Variants in COL27A1 observed in about 807,000 individuals in gnomAD.
COL27A1 encodes the protein collagen alpha-1(XXVII) chain.
Under a neutral mutation model 251.3 loss-of-function variants are expected in COL27A1, and 106 were observed. The ratio of observed to expected loss-of-function variants is 0.42; its 90% CI spans 0.36 to 0.50. The LOEUF is 0.50. COL27A1 is among the 20% of genes least tolerant of loss of function. The probability of loss-of-function intolerance (pLI) is 0.00; values close to 1 mark genes in which losing one functional copy is unlikely to be tolerated. For missense variants in COL27A1, 2,325 were observed against 2,522.8 expected (o/e 0.92, Z 1.68); for synonymous variants, 1,000 against 986.3 (o/e 1.01, Z -0.26).
chr9:114,171,307 CA>C (rs1440016058), intron 3 of COL27A1, among the ~76,000 whole-genome samples: 1 of 152,146 alleles, frequency 6.6e-6, no homozygotes, highest in African/African-American at 2.4e-5. Context: ...TTGAAGTTTA[CA>C]TTCCAGACTG....
chr9:114,206,322 A>G (rs1188760626), intron 10 of COL27A1, 26 bp downstream of exon 10: 4 of 1,613,006 alleles, frequency 2.5e-6, no homozygotes, highest in Middle Eastern at 1.6e-4. Flanking sequence ...CCAGTGCCAC[A>G]TGGGTGGGGT....
chr9:114,309,397 C>T lies in COL27A1; in HGVS notation c.5355C>T (p.Ala1785=), dbSNP rs377141342. Residue 1785 remains alanine (A), a synonymous_variant, in exon 60 of 61, where the codon GCC becomes GCT. Transcript: ENST00000356083. The part of the protein sequence containing the change: ...EGTGQTPAKQ[A]VRFRAWNGQI... ...CTGGGCAGACCCCAGCCAAGCAGGC[C>T]GTACGCTTCCGGGCCTGGAATGGAC... 5.0e-6 allele frequency: 8 copies of T among 1,613,978 alleles called. No homozygotes were observed. Among genetic ancestry groups the T allele is most frequent in the East Asian group, 4.5e-5 (2 of 44,886 alleles).
intron 5 of COL27A1, 31 bp from the exon 6 acceptor site, chr9:114,194,373 G>A (rs748270007): frequency 2.5e-6 from 4 of 1,611,222 alleles, no homozygotes; most frequent in Admixed American, 3.3e-5. Context: ...TAGATGACTT[G>A]GTGGCCAAAG....
chr9:114,269,667 T>C (rs1726567510), intron 35 of COL27A1, among the ~76,000 whole-genome samples: 1 of 144,622 alleles, frequency 6.9e-6, no homozygotes. Context: ...TTCAGTCGAG[T>C]CTCGGCAGTA....
chr9:114,167,625 TA>T, intron 2 of COL27A1, 63 bp from the exon 3 acceptor site: 3 of 1,397,834 alleles, frequency 2.1e-6, no homozygotes, highest in East Asian at 2.3e-5. Flanking sequence ...CCTTAGGGGG[TA>T]GGGGGTGGGG....
At chr9:114,225,476 G>T (rs1452336622) in intron 14 of COL27A1, among the ~76,000 whole-genome samples, 5 of 152,194 alleles carry the variant, frequency 3.3e-5, no homozygotes, top group African/African-American at 1.2e-4. Context: ...GGATCACAGG[G>T]CTGGGCCTGA....
chr9:114,280,193 GGT>G (rs1325863102), intron 37 of COL27A1, among the ~76,000 whole-genome samples: 1 of 151,350 alleles, frequency 6.6e-6, no homozygotes, highest in African/African-American at 2.4e-5. Context: ...AACCTAATTG[GGT>G]GTGTCAACTT....
intron 37 of COL27A1, among the ~76,000 whole-genome samples, chr9:114,280,191 T>A (rs1406187128): frequency 6.6e-6 from 1 of 151,708 alleles, no homozygotes. Flanking sequence ...GCAACCTAAT[T>A]GGGTGTGTCA....
chr9:114,168,575 T>A lies in COL27A1; in HGVS notation c.1020T>A (p.Ser340=). The change falls in exon 3 of 61, where the codon TCT becomes TCA. Residue 340 remains serine (S), a synonymous_variant. Transcript: ENST00000356083. ...SNALDPMLPA[S]VGGSTRTPRP... is the part of the protein sequence containing the mutation. ...CACTTGATCCCATGCTCCCAGCCTCTGTTGGCGGCTCTACCAGAACGCCTC... is the reference window on the plus strand; with the variant it reads ...CACTTGATCCCATGCTCCCAGCCTCAGTTGGCGGCTCTACCAGAACGCCTC... 6.2e-7 allele frequency: 1 copy of A among 1,614,110 alleles called. No homozygotes were observed. Among genetic ancestry groups the A allele is most frequent in the South Asian group, 1.1e-5 (1 of 91,078 alleles).
chr9:114,287,532 C>T (rs1687413), intron 41 of COL27A1, among the ~76,000 whole-genome samples: 1 of 152,152 alleles, frequency 6.6e-6, no homozygotes, highest in Non-Finnish European at 1.5e-5. Flanking sequence ...CTGGCCATGT[C>T]TATATGACAC....
intron 24 of COL27A1, 82 bp downstream of exon 24, chr9:114,245,992 C>A: frequency 8.5e-7 from 1 of 1,179,466 alleles, no homozygotes; most frequent in Non-Finnish European, 1.2e-6. Flanking sequence ...CAGCACCCTC[C>A]ATGCACCACC....
At chr9:114,174,230 C>T (rs564037885) in intron 3 of COL27A1, among the ~76,000 whole-genome samples, 24 of 152,210 alleles carry the variant, frequency 1.6e-4, no homozygotes, top group African/African-American at 5.8e-4. Flanking sequence ...GGCCCAGACT[C>T]ACTGGGGAGA....
At chr9:114,163,403 T>TAA (rs778377725) in intron 2 of COL27A1, among the ~76,000 whole-genome samples, 2,356 of 140,704 alleles carry the variant, frequency 0.017, 67 homozygotes, top group African/African-American at 0.057. Context: ...TAAGAACTGC[T>TAA]AAAAAAAAAA....
intron 30 of COL27A1, 45 bp from the exon 31 acceptor site, chr9:114,265,021 T>C: frequency 6.2e-7 from 1 of 1,612,532 alleles, no homozygotes; most frequent in East Asian, 2.2e-5. Flanking sequence ...CCCTGCTCCG[T>C]GCTTTGTGAT....
At position 114,265,475 on chromosome 9, in the gene COL27A1, G is replaced by C. The variant is rs140849642; in HGVS notation, c.3393G>C (p.Pro1131=). 6.2e-7 allele frequency: 1 copy of C among 1,613,774 alleles called. No homozygotes were observed. Among genetic ancestry groups the C allele is most frequent in the South Asian group, 1.1e-5 (1 of 91,066 alleles). ...GCACCAAGGGCCTCCCAGGAGAACC[G>C]GTAAGAGCCCTTTCCTTCCCTCTTC... ...PPGTKGLPGE[P]GPQGPQGPIG... is the part of the protein sequence containing the mutation. The change falls in exon 32 of 61, where the codon CCG becomes CCC. Residue 1131 remains proline, a splice_region_variant and synonymous_variant. Coordinates refer to ENST00000356083, the MANE Select transcript of COL27A1 (RefSeq NM_032888.4).
intron 27 of COL27A1, 81 bp downstream of exon 27, chr9:114,253,013 G>A (rs1283393670): frequency 9.0e-7 from 1 of 1,112,716 alleles, no homozygotes; most frequent in Non-Finnish European, 1.3e-6. Flanking sequence ...GCTCACACCT[G>A]TAATCTCAGC....
chr9:114,290,250 G>A lies in COL27A1; in HGVS notation c.4287G>A (p.Arg1429=), dbSNP rs1464416833. The A allele has an allele frequency of 3.2e-6, 5 of 1,573,238 alleles. No individual in the cohort carries two copies. Among genetic ancestry groups the A allele is most frequent in the Admixed American group, 1.9e-5 (1 of 52,770 alleles). Residue 1429 remains arginine (R), a synonymous_variant, in exon 47 of 61, where the codon CGG becomes CGA. Coordinates refer to ENST00000356083, the MANE Select transcript of COL27A1 (RefSeq NM_032888.4). This position sits in a 1 kb window ranked among gnomAD's most constrained non-coding sequence, Gnocchi z 4.6. ...VQGLQGLPGP[R]GVVGRQGLEG... The stretch of plus-strand genomic sequence containing the variant: ...GCCTGCAGGGGCTGCCAGGGCCCCG[G>A]GGCGTGGTGGGGAGACAGGGCCTCG...
At chr9:114,246,004 C>T (rs1833104992) in intron 24 of COL27A1, 94 bp downstream of exon 24, 22 of 1,090,896 alleles carry the variant, frequency 2.0e-5, no homozygotes, top group South Asian at 2.0e-4. Context: ...TGCACCACCT[C>T]GTGTAATTCT....
chr9:114,169,568 G>T, intron 3 of COL27A1, 105 bp downstream of exon 3: 1 of 924,190 alleles, frequency 1.1e-6, no homozygotes, highest in South Asian at 2.0e-5. Context: ...GCAGCTTAGA[G>T]CAGGGAGCTG....
Sources: allele counts gnomAD v4.1 joint callset (sites outside exome capture counted in the v4.1 genomes callset), GRCh38; gene constraint gnomAD v4.1.1; non-coding constraint Gnocchi (gnomAD v3.1); transcripts MANE v1.5; gene names NCBI Gene and HGNC (gene_info 2026-07-23, HGNC 2026-07-21).